The following PNLIPRP3 variants were observed in gnomAD, a reference collection of about 807,000 sequenced individuals.
PNLIPRP3 encodes pancreatic lipase-related protein 3.
In PNLIPRP3, 58 loss-of-function variants were observed where a neutral mutation model predicts 52.8. That is an observed-to-expected ratio of 1.10 (90% CI 0.89 to 1.37). The LOEUF (loss-of-function observed/expected upper bound fraction) is 1.37. Among genes scored for constraint, PNLIPRP3 ranks in the 40% most tolerant of loss-of-function variants. The probability of loss-of-function intolerance (pLI) is 0.00; values close to 1 mark genes in which losing one functional copy is unlikely to be tolerated. For synonymous variants in PNLIPRP3, 192 were observed against 185.0 expected, an observed-to-expected ratio of 1.04 and a Z score of -0.31; for missense variants, 593 against 561.6, an observed-to-expected ratio of 1.06 and a Z score of -0.57.
chr10:116,452,507 A>G (rs2133132260), intron 4 of PNLIPRP3, among the ~76,000 whole-genome samples: 1 of 152,318 alleles, frequency 6.6e-6, no homozygotes, highest in South Asian at 2.1e-4. Flanking sequence ...AAGGCATTTC[A>G]GAGATCTTTG....
At chr10:116,432,260 C>A (rs1249849516) in intron 1 of PNLIPRP3, among the ~76,000 whole-genome samples, 2 of 152,136 alleles carry the variant, frequency 1.3e-5, no homozygotes, top group African/African-American at 4.8e-5. Context: ...AAAGCCTGCT[C>A]ACAGTAAGAT....
At chr10:116,473,512 T>A (rs539258268) in intron 10 of PNLIPRP3, among the ~76,000 whole-genome samples, 1 of 152,150 alleles carries the variant, frequency 6.6e-6, no homozygotes, top group African/African-American at 2.4e-5. Flanking sequence ...TTGCTAAATT[T>A]CTTTTTCTTT....
At chr10:116,464,758 C>T (rs558131319) in intron 7 of PNLIPRP3, among the ~76,000 whole-genome samples, 1 of 152,344 alleles carries the variant, frequency 6.6e-6, no homozygotes, top group Admixed American at 6.5e-5. Context: ...GAGGTCTAAG[C>T]CCCCAGGAAA....
chr10:116,463,990 A>G (rs994752656), intron 7 of PNLIPRP3, among the ~76,000 whole-genome samples: 6 of 12,400 alleles, frequency 4.8e-4, no homozygotes, highest in African/African-American at 1.3e-3. Flanking sequence ...CTAAAATAAA[A>G]AAAGAAGAAG....
In PNLIPRP3 at chr10:116,469,317, C is replaced by T. The variant is rs573172704; in HGVS notation, c.1060C>T (p.Arg354Cys). ...LNTGSLSPFA[R>C]WRHKLSVKLS... The stretch of plus-strand genomic sequence containing the variant: ...CACAGGGTCCCTTTCCCCATTTGCC[C>T]GTAAGTATCATAGCTAAGTTTAATT... Residue 354 changes from arginine to cysteine, a missense_variant and splice_region_variant, in exon 9 of 12, where the codon CGT becomes TGT. Physicochemically the swap from Arg to Cys is radical, Grantham distance 180 (BLOSUM62 -3). Transcript: ENST00000369230. 22 of 1,598,228 alleles carry T rather than the reference C, an allele frequency of 1.4e-5. No homozygotes were observed. The highest frequency in any genetic ancestry group is 4.5e-5 in the East Asian group (2 of 44,108).
intron 9 of PNLIPRP3, among the ~76,000 whole-genome samples, chr10:116,469,612 A>G (rs900635672): frequency 5.3e-5 from 8 of 152,362 alleles, no homozygotes; most frequent in South Asian, 2.1e-4. Context: ...TGACTCCTGA[A>G]GGATGAGTAA....
intron 8 of PNLIPRP3, among the ~76,000 whole-genome samples, chr10:116,466,566 A>T (rs1172800007): frequency 1.3e-5 from 2 of 152,168 alleles, no homozygotes; most frequent in African/African-American, 4.8e-5. Flanking sequence ...ACATATTACT[A>T]TTTACTTGGA....
intron 4 of PNLIPRP3, among the ~76,000 whole-genome samples, chr10:116,449,787 C>T (rs1006198426): frequency 2.6e-5 from 4 of 152,146 alleles, no homozygotes; most frequent in Admixed American, 1.3e-4. Flanking sequence ...CACCCAACAG[C>T]AGAATACACT....
intron 1 of PNLIPRP3, among the ~76,000 whole-genome samples, chr10:116,431,299 C>T (rs1845706292): frequency 6.6e-6 from 1 of 152,144 alleles, no homozygotes; most frequent in Non-Finnish European, 1.5e-5. Context: ...TCAGAGCCCT[C>T]CAGTGGCTTC....
chr10:116,471,975 C>T, intron 10 of PNLIPRP3, 96 bp downstream of exon 10: 1 of 683,866 alleles, frequency 1.5e-6, no homozygotes, highest in South Asian at 2.2e-5. Flanking sequence ...TTCTCTTTTC[C>T]TACAATTCCA....
chr10:116,443,803 A>ATGTG (rs1564695678), intron 3 of PNLIPRP3, among the ~76,000 whole-genome samples: 45 of 1,776 alleles, frequency 0.025, no homozygotes, highest in East Asian at 0.079. Context: ...GTGTGTGTGC[A>ATGTG]TATATATATA....
chr10:116,452,696 G>A (rs996630613), intron 4 of PNLIPRP3, among the ~76,000 whole-genome samples: 2 of 152,208 alleles, frequency 1.3e-5, no homozygotes, highest in African/African-American at 2.4e-5. Context: ...AGCTCTGGAG[G>A]GTGCAAGCCA....
intron 10 of PNLIPRP3, 111 bp downstream of exon 10, chr10:116,471,990 C>G: frequency 1.6e-6 from 1 of 608,196 alleles, no homozygotes; most frequent in Non-Finnish European, 2.9e-6. Context: ...ATTCCACAGG[C>G]TACCATGGTA....
intron 4 of PNLIPRP3, among the ~76,000 whole-genome samples, chr10:116,449,886 C>T (rs1329803592): frequency 2.0e-5 from 3 of 152,144 alleles, no homozygotes; most frequent in Non-Finnish European, 4.4e-5. Context: ...AGATTGCAAT[C>T]ATACCAAGTA....
intron 4 of PNLIPRP3, among the ~76,000 whole-genome samples, chr10:116,454,954 C>A (rs1311449297): frequency 1.3e-5 from 2 of 152,144 alleles, no homozygotes; most frequent in African/African-American, 4.8e-5. Context: ...TTTTTCAAGG[C>A]ACCTCCATAT....
chr10:116,446,311 A>T (rs1205187944), intron 4 of PNLIPRP3, among the ~76,000 whole-genome samples: 1 of 134,694 alleles, frequency 7.4e-6, no homozygotes, highest in Non-Finnish European at 1.5e-5. Context: ...GCGCCGCTGC[A>T]CTCCAGCTTG....
intron 4 of PNLIPRP3, among the ~76,000 whole-genome samples, chr10:116,449,331 T>C (rs1263228586): frequency 6.6e-6 from 1 of 152,214 alleles, no homozygotes; most frequent in African/African-American, 2.4e-5. Context: ...TTTAACTACA[T>C]GCTGTCTACA....
intron 9 of PNLIPRP3, 86 bp downstream of exon 9, chr10:116,469,403 T>TAAA: frequency 2.2e-6 from 3 of 1,335,846 alleles, no homozygotes; most frequent in Non-Finnish European, 3.0e-6. Flanking sequence ...GTCTACTAAA[T>TAAA]AACTGGGCAT....
intron 2 of PNLIPRP3, among the ~76,000 whole-genome samples, chr10:116,441,918 A>T (rs1845864461): frequency 6.6e-6 from 1 of 152,196 alleles, no homozygotes; most frequent in Non-Finnish European, 1.5e-5. Flanking sequence ...TATTATAATT[A>T]CTGAGCAAGC....
Sources: gnomAD v4.1 joint callset for allele counts (sites outside exome capture counted in the v4.1 genomes callset) on GRCh38, gnomAD v4.1.1 for gene constraint, MANE v1.5 for transcripts, NCBI Gene and HGNC (gene_info 2026-07-23, HGNC 2026-07-21) for gene names.